The following TRAF3 variants were observed in gnomAD, a reference collection of about 807,000 sequenced individuals.
The protein encoded by TRAF3 is TNF receptor associated factor 3.
A neutral mutation model predicts 62.3 loss-of-function variants in TRAF3; 13 were observed. The ratio of observed to expected loss-of-function variants is 0.21; its 90% CI spans 0.14 to 0.33. The LOEUF (loss-of-function observed/expected upper bound fraction) is 0.33, where lower values mean the gene tolerates loss of function less well. Ranked by LOEUF, TRAF3 falls within the 10% of genes least tolerant of loss-of-function variation. The probability of loss-of-function intolerance (pLI) is 1.00; values close to 1 mark genes in which losing one functional copy is unlikely to be tolerated. For synonymous variants in TRAF3, 269 were observed against 283.4 expected, an observed-to-expected ratio of 0.95 and a Z score of 0.51; for missense variants, 440 against 741.8, an observed-to-expected ratio of 0.59 and a Z score of 4.73.
intron 1 of TRAF3, among the ~76,000 whole-genome samples, chr14:102,811,758 TG>T (rs1899177280): frequency 2.7e-5 from 4 of 145,832 alleles, no homozygotes; most frequent in African/African-American, 1.0e-4. Flanking sequence ...TGTGTGTGTG[TG>T]TGTTTGTACA....
intron 10 of TRAF3, among the ~76,000 whole-genome samples, chr14:102,898,045 G>C (rs1890092804): frequency 6.6e-6 from 1 of 152,258 alleles, no homozygotes; most frequent in Non-Finnish European, 1.5e-5. Context: ...ATTTGTGATA[G>C]CACTTCCCAT....
chr14:102,859,193 C>CAAA (rs34556286), intron 2 of TRAF3, among the ~76,000 whole-genome samples: 26 of 143,940 alleles, frequency 1.8e-4, no homozygotes, highest in African/African-American at 6.0e-4. Flanking sequence ...TAATTTAGGC[C>CAAA]AAAAAAAAAA....
intron 2 of TRAF3, among the ~76,000 whole-genome samples, chr14:102,862,969 T>C (rs1887767995): frequency 6.6e-6 from 1 of 152,172 alleles, no homozygotes; most frequent in African/African-American, 2.4e-5. Flanking sequence ...AAACTATTTT[T>C]TTCTTTATCA....
At chr14:102,864,881 C>T (rs1415773045) in intron 2 of TRAF3, among the ~76,000 whole-genome samples, 1 of 152,142 alleles carries the variant, frequency 6.6e-6, no homozygotes, top group African/African-American at 2.4e-5. Flanking sequence ...GGGAGATATG[C>T]CAGGTTAGTG....
Position 102,777,663 on chromosome 14 carries a change from G to C in TRAF3, c.-169G>C, listed in dbSNP as rs1897067508. On this transcript the variant is annotated 5_prime_UTR_variant, in exon 1 of 12. Transcript: ENST00000392745. ...GGCGCCCCTGAGCCGGCCGAGCGGC[G>C]ACGGACCGCGAGGTAAGGGGCCGCG... is the stretch of plus-strand genomic sequence containing the variant. 1 of 144,610 alleles carries C rather than the reference G, an allele frequency of 6.9e-6. No individual in the cohort carries two copies. Among genetic ancestry groups the C allele is most frequent in the Non-Finnish European group, 1.5e-5 (1 of 65,160 alleles). The allele number at this position is 144,610 out of a possible 1,614,324, so 9.0% of individuals were successfully genotyped here.
At position 102,907,560 on chromosome 14, in the gene TRAF3, GC is replaced by G. The variant is rs1219807348; in HGVS notation, c.*1779del. The G allele has an allele frequency of 2.0e-5, 3 of 152,354 alleles. No individual in the cohort carries two copies. Among genetic ancestry groups the G allele is most frequent in the East Asian group, 3.9e-4 (2 of 5,192 alleles). 9.4% of individuals were successfully genotyped at this position (152,354 alleles called of 1,614,324 possible). A position where few individuals can be genotyped will look rare whatever the true frequency, so the allele number is the denominator to read the frequency against. On this transcript the variant is annotated 3_prime_UTR_variant, in exon 12 of 12. Transcript: ENST00000392745. ...GCGAACTGTCACACCTGTGCCACTC[GC>G]CCACAAGCCGCGCCCACAATTGGCC...
At chr14:102,882,307 G>C (rs1342695740) in intron 6 of TRAF3, among the ~76,000 whole-genome samples, 1 of 152,212 alleles carries the variant, frequency 6.6e-6, no homozygotes, top group Admixed American at 6.5e-5. Flanking sequence ...TGCTTGAGAT[G>C]AAACAAGTTG....
intron 8 of TRAF3, among the ~76,000 whole-genome samples, chr14:102,891,078 C>T (rs1162232397): frequency 6.6e-6 from 1 of 152,180 alleles, no homozygotes; most frequent in Non-Finnish European, 1.5e-5. Context: ...GCGGAGATAA[C>T]CCTGAGATGC....
At chr14:102,880,843 C>T (rs758789171) in intron 6 of TRAF3, among the ~76,000 whole-genome samples, 2 of 152,070 alleles carry the variant, frequency 1.3e-5, no homozygotes, top group Admixed American at 1.3e-4. Context: ...TTTGGGAGGC[C>T]GAGGTGGGCA....
At chr14:102,854,815 T>G (rs1005770009) in intron 2 of TRAF3, among the ~76,000 whole-genome samples, 1 of 152,032 alleles carries the variant, frequency 6.6e-6, no homozygotes, top group African/African-American at 2.4e-5. Flanking sequence ...TTTTTTTTTT[T>G]TTTTTAACAA....
chr14:102,786,104 G>C (rs1373258799), intron 1 of TRAF3, among the ~76,000 whole-genome samples: 2 of 152,142 alleles, frequency 1.3e-5, no homozygotes, highest in Non-Finnish European at 2.9e-5. Flanking sequence ...TTTATGTATG[G>C]AAGGAATTAG....
intron 2 of TRAF3, among the ~76,000 whole-genome samples, chr14:102,839,299 A>G (rs1041852191): frequency 2.8e-5 from 4 of 140,724 alleles, no homozygotes; most frequent in South Asian, 2.2e-4. Context: ...GCTCACTGCA[A>G]CCTCTGCCTC....
Position 102,839,210 on chromosome 14 carries a change from C to CTTTTTTTTT in TRAF3, c.-18+8758_-18+8766dup, listed in dbSNP as rs56998347. Among the ~76,000 whole-genome samples the CTTTTTTTTT allele has an allele frequency of 7.8e-4, 70 of 89,822 alleles. 6 individuals are homozygous for CTTTTTTTTT. The highest frequency in any genetic ancestry group is 3.1e-3 in the African/African-American group (69 of 22,582). The allele number at this position is 89,822 out of a possible 152,430, so 58.9% of individuals were successfully genotyped here. A position where few individuals can be genotyped will look rare whatever the true frequency, so the allele number is the denominator to read the frequency against. On this transcript the variant is annotated intron_variant, in intron 2 of 11. Coordinates refer to ENST00000392745, the MANE Select transcript of TRAF3 (RefSeq NM_145725.3). ...GAGAGATGCTTATTGGTTGATTTGC[C>CTTTTTTTTT]TTTTTTTTTTTTTTTTTTTTTTTTT...
intron 10 of TRAF3, among the ~76,000 whole-genome samples, chr14:102,902,515 A>G (rs530845678): frequency 6.6e-5 from 10 of 152,314 alleles, no homozygotes; most frequent in African/African-American, 2.4e-4. Context: ...CCACATGGGC[A>G]TGATTCTGGC....
At chr14:102,884,811 C>T (rs1417635618) in intron 6 of TRAF3, among the ~76,000 whole-genome samples, 1 of 121,624 alleles carries the variant, frequency 8.2e-6, no homozygotes, top group African/African-American at 3.1e-5. Flanking sequence ...GACTCCGTCT[C>T]AAAAAAAAAA....
chr14:102,906,589 A>G lies in TRAF3; in HGVS notation c.*805A>G, dbSNP rs1444896258. 3 of 152,262 alleles carry G rather than the reference A, an allele frequency of 2.0e-5. No homozygotes were observed. The highest frequency in any genetic ancestry group is 7.2e-5 in the African/African-American group (3 of 41,460). 9.4% of individuals were successfully genotyped at this position (152,262 alleles called of 1,614,324 possible). ...TCGTAGTTAATGACACGACTTCACA[A>G]TTCTGAACGGAGCCTCGCTCATGGA... On this transcript the variant is annotated 3_prime_UTR_variant, in exon 12 of 12. Coordinates refer to ENST00000392745, the MANE Select transcript of TRAF3 (RefSeq NM_145725.3).
intron 4 of TRAF3, among the ~76,000 whole-genome samples, chr14:102,872,984 A>C (rs904773684): frequency 6.6e-6 from 1 of 152,132 alleles, no homozygotes; most frequent in Non-Finnish European, 1.5e-5. Flanking sequence ...GAGCCACCGC[A>C]CCCAGCAATT....
chr14:102,875,240 C>T (rs1217106057), intron 4 of TRAF3, among the ~76,000 whole-genome samples: 1 of 152,172 alleles, frequency 6.6e-6, no homozygotes, highest in African/African-American at 2.4e-5. Context: ...ACCATAATGG[C>T]CACCTGCTCC....
chr14:102,813,157 T>G (rs1476207284), intron 1 of TRAF3, among the ~76,000 whole-genome samples: 1 of 89,022 alleles, frequency 1.1e-5, no homozygotes, highest in Non-Finnish European at 3.2e-5. Context: ...GTATTTTTAG[T>G]AGAGACGGGG....
Sources: allele counts gnomAD v4.1 joint callset (sites outside exome capture counted in the v4.1 genomes callset), GRCh38; gene constraint gnomAD v4.1.1; transcripts MANE v1.5; gene names NCBI Gene and HGNC (gene_info 2026-07-23, HGNC 2026-07-21).